The following HTT variants were observed in gnomAD, a reference collection of about 807,000 sequenced individuals.
HTT encodes huntingtin.
A neutral mutation model predicts 362.3 loss-of-function variants in HTT; 104 were observed. The observed-to-expected ratio is 0.29, with a 90% CI of 0.24 to 0.34. The LOEUF (loss-of-function observed/expected upper bound fraction) is 0.34, where lower values mean the gene tolerates loss of function less well. Among genes scored for constraint, HTT ranks in the 10% least tolerant of loss-of-function variants. The pLI, the probability that HTT is intolerant of heterozygous loss-of-function variation, is 1.00. For synonymous variants in HTT, 1,577 were observed against 1,548.7 expected (o/e 1.02, Z -0.43); for missense variants, 3,301 against 3,928.6 (o/e 0.84, Z 4.27).
Position 3,116,189 on chromosome 4 carries a change from A to G in HTT, c.994A>G (p.Thr332Ala), listed in dbSNP as rs1560554274. 1.2e-6 allele frequency: 2 copies of G among 1,614,106 alleles called. No homozygotes were observed. The highest frequency in any genetic ancestry group is 1.3e-5 in the African/African-American group (1 of 75,068). ...VPLLQQQVKDTSLKGSFGVTR... is the reference protein window; with the variant it reads ...VPLLQQQVKDASLKGSFGVTR... ...CTTGCTGCAGCAGCAGGTCAAGGAC[A>G]CAAGCCTGAAAGGCAGCTTCGGAGT... The change falls in exon 8 of 67, where the codon ACA becomes GCA. Residue 332 changes from threonine (T) to alanine (A), a missense_variant. Physicochemically the swap from Thr to Ala is moderately conservative, Grantham distance 58. Coordinates refer to ENST00000355072, the MANE Select transcript of HTT (RefSeq NM_001388492.1).
chr4:3,190,455 G>C (rs1718963812), intron 40 of HTT, among the ~76,000 whole-genome samples: 1 of 151,990 alleles, frequency 6.6e-6, no homozygotes, highest in Admixed American at 6.6e-5. Flanking sequence ...GGACGGTGAA[G>C]GTTGGGCATG....
chr4:3,182,338 G>C lies in HTT; in HGVS notation c.4750-16G>C, dbSNP rs200214917. The stretch of plus-strand genomic sequence containing the variant: ...TCTCTTGGCAGCAGACTTTCTAATT[G>C]TGCACGCTCTTATAGGTGTTGGAGA... On this transcript the variant is annotated splice_polypyrimidine_tract_variant and intron_variant, in intron 36 of 66. Transcript: ENST00000355072. 1.1e-3 allele frequency: 1,713 copies of C among 1,553,304 alleles called. 4 individuals carry two copies. The highest frequency in any genetic ancestry group is 1.2e-3 in the Non-Finnish European group (1,356 of 1,124,986).
Position 3,176,021 on chromosome 4 carries a change from G to GTTTTTT in HTT, c.4407+917_4407+918insTTTTTT, listed in dbSNP as rs1560580460. On this transcript the variant is annotated intron_variant, in intron 33 of 66. Coordinates refer to ENST00000355072, the MANE Select transcript of HTT (RefSeq NM_001388492.1). ...TCTGCTTGTTTTTTTTGTTGTTGTT[G>GTTTTTT]TTTGTTTTTTTTTGTTTTTTTTTTG... is the stretch of plus-strand genomic sequence containing the variant. Among the ~76,000 whole-genome samples the GTTTTTT allele has an allele frequency of 2.3e-5, 3 of 132,886 alleles. No homozygotes were observed. In the East Asian group the frequency reaches 5.9e-4, roughly 26 times the overall value. 87.2% of individuals were successfully genotyped at this position (132,886 alleles called of 152,430 possible). A position where few individuals can be genotyped will look rare whatever the true frequency, so the allele number is the denominator to read the frequency against.
Position 3,236,143 on chromosome 4 carries a change from T to C in HTT, c.8786-6T>C. 6.2e-7 allele frequency: 1 copy of C among 1,609,760 alleles called. No homozygotes were observed. Among genetic ancestry groups the C allele is most frequent in the Non-Finnish European group, 8.5e-7 (1 of 1,175,936 alleles). ...GTAACCTTCGTACTGAACACTTTTG[T>C]TACAGGAAAGGAGAAAGTCAGTCCG... On this transcript the variant is annotated splice_polypyrimidine_tract_variant and splice_region_variant and intron_variant, in intron 63 of 66. Transcript: ENST00000355072.
At chr4:3,076,520 A>G (rs77173925) in intron 1 of HTT, among the ~76,000 whole-genome samples, 12,491 of 152,272 alleles carry the variant, frequency 0.082, 1,046 homozygotes, top group African/African-American at 0.21. Context: ...AAGGATGGAA[A>G]AACTTTTTGG....
chr4:3,093,476 G>A (rs1713626101), intron 2 of HTT, among the ~76,000 whole-genome samples: 1 of 152,204 alleles, frequency 6.6e-6, no homozygotes, highest in Admixed American at 6.5e-5. Context: ...AAATTGACAT[G>A]TATTTGCGCT....
chr4:3,150,430 GTC>G (rs1716819459), intron 26 of HTT, among the ~76,000 whole-genome samples: 2 of 152,296 alleles, frequency 1.3e-5, no homozygotes, highest in South Asian at 4.1e-4. Context: ...CAGAGGACCT[GTC>G]TCTGGAGCTG....
At chr4:3,087,066 T>A (rs781106317) in intron 2 of HTT, 44 bp downstream of exon 2, 2 of 1,065,618 alleles carry the variant, frequency 1.9e-6, no homozygotes, top group Non-Finnish European at 2.8e-6. Flanking sequence ...GAACTTTGTA[T>A]ATTTTCAGTC....
At chr4:3,190,965 G>A (rs997500015) in intron 40 of HTT, among the ~76,000 whole-genome samples, 1 of 152,164 alleles carries the variant, frequency 6.6e-6, no homozygotes, top group African/African-American at 2.4e-5. Flanking sequence ...GTCCAAATAT[G>A]AGGCAAACCA....
rs540989058 is a variant in HTT at position 3,169,447 on chromosome 4, TTTGA to T, written c.3865-2869_3865-2866del. 1.8e-4 allele frequency among the ~76,000 whole-genome samples: 28 copies of T among 152,298 alleles called. No individual in the cohort carries two copies. In the East Asian group the frequency reaches 4.1e-3, roughly 22 times the overall value. On this transcript the variant is annotated intron_variant, in intron 29 of 66. Coordinates refer to ENST00000355072, the MANE Select transcript of HTT (RefSeq NM_001388492.1). ...TAGCTTACTGATGCTCTTTTCAGTG[TTTGA>T]TTGTTTTATGTGTTTTCTGTTTTGT...
At chr4:3,145,307 C>A in intron 24 of HTT, 79 bp downstream of exon 24, 1 of 1,034,472 alleles carries the variant, frequency 9.7e-7, no homozygotes, top group Non-Finnish European at 1.5e-6. Context: ...TGCCCTTTTT[C>A]TTTCTTTTTA....
chr4:3,179,460 G>A (rs1267836225), intron 35 of HTT, among the ~76,000 whole-genome samples: 1 of 152,182 alleles, frequency 6.6e-6, no homozygotes, highest in Non-Finnish European at 1.5e-5. Flanking sequence ...CGAAGGGTCA[G>A]TGAGTATTCC....
intron 3 of HTT, 112 bp downstream of exon 3, chr4:3,099,506 T>C (rs1714036701): frequency 1.4e-6 from 2 of 1,456,018 alleles, no homozygotes; most frequent in Admixed American, 4.0e-5. Flanking sequence ...GTCTGCACTT[T>C]TTTCCTTTCT....
rs114358832 is a variant in HTT at position 3,171,472 on chromosome 4, C to G, written c.3865-848C>G. ...GTTAGCATCTTCTTCTTTCTTGATTCTTTTTTTTTTTTTTTTGAGATGGAC... is the reference window on the plus strand; with the variant it reads ...GTTAGCATCTTCTTCTTTCTTGATTGTTTTTTTTTTTTTTTTGAGATGGAC... On this transcript the variant is annotated intron_variant, in intron 29 of 66. Transcript: ENST00000355072. Among the ~76,000 whole-genome samples, 5 of 133,006 alleles carry G rather than the reference C, an allele frequency of 3.8e-5. No homozygotes were observed. The East Asian group carries it at 1.1e-3, about 29-fold the overall frequency. 87.3% of individuals were successfully genotyped at this position (133,006 alleles called of 152,430 possible). A position where few individuals can be genotyped will look rare whatever the true frequency, so the allele number is the denominator to read the frequency against.
intron 60 of HTT, among the ~76,000 whole-genome samples, chr4:3,232,169 C>T (rs570812770): frequency 1.3e-5 from 2 of 152,252 alleles, no homozygotes; most frequent in African/African-American, 2.4e-5. Context: ...GGGGATAGCA[C>T]AGGGTGAGGT....
intron 1 of HTT, among the ~76,000 whole-genome samples, chr4:3,077,808 A>G (rs191381787): frequency 1.7e-4 from 26 of 152,336 alleles, no homozygotes; most frequent in African/African-American, 6.0e-4. Context: ...AATAAAATGC[A>G]TATTTGTCAT....
chr4:3,130,238 G>A lies in HTT; in HGVS notation c.1868-67G>A, dbSNP rs1006866225. The A allele has an allele frequency of 7.3e-6, 8 of 1,101,344 alleles. No homozygotes were observed. In the African/African-American group the frequency reaches 1.3e-4, roughly 17 times the overall value. 68.2% of individuals were successfully genotyped at this position (1,101,344 alleles called of 1,614,324 possible). A position where few individuals can be genotyped will look rare whatever the true frequency, so the allele number is the denominator to read the frequency against. ...AATCTTATACTTTTGAGTTATCTTA[G>A]CATAAATGTATAATTGTATTTTAAG... is the stretch of plus-strand genomic sequence containing the variant. On this transcript the variant is annotated intron_variant, in intron 13 of 66. Coordinates refer to ENST00000355072, the MANE Select transcript of HTT (RefSeq NM_001388492.1).
At chr4:3,198,215 A>AT (rs200014691) in intron 40 of HTT, among the ~76,000 whole-genome samples, 4,427 of 60,266 alleles carry the variant, frequency 0.073, 823 homozygotes, top group Non-Finnish European at 0.089. Flanking sequence ...GGATGTGTTG[A>AT]TTTTTTTTTT....
intron 34 of HTT, among the ~76,000 whole-genome samples, 178 bp downstream of exon 34, chr4:3,177,565 A>G (rs1041933211): frequency 2.0e-5 from 3 of 152,216 alleles, no homozygotes; most frequent in Non-Finnish European, 4.4e-5. Flanking sequence ...ATATCTCAAG[A>G]CTTGTTTGGA....
Sources: gnomAD v4.1 joint callset for allele counts (sites outside exome capture counted in the v4.1 genomes callset) on GRCh38, gnomAD v4.1.1 for gene constraint, MANE v1.5 for transcripts, NCBI Gene and HGNC (gene_info 2026-07-23, HGNC 2026-07-21) for gene names.